Variants in GLI2 observed in about 807,000 individuals in gnomAD.
GLI2 encodes GLI family zinc finger 2.
In GLI2, 22 loss-of-function variants were observed where a neutral mutation model predicts 78.9. The observed-to-expected ratio is 0.28, with a 90% CI of 0.20 to 0.40. The LOEUF is 0.40. Among genes scored for constraint, GLI2 ranks in the 10% least tolerant of loss-of-function variants. GLI2 has a pLI of 1.00. For synonymous variants in GLI2, 974 were observed against 963.7 expected (o/e 1.01, Z -0.20); for missense variants, 2,097 against 2,213.2 (o/e 0.95, Z 1.05).
At chr2:120,756,343 T>C (rs1012657344) in intron 1 of GLI2, among the ~76,000 whole-genome samples, 14 of 152,334 alleles carry the variant, frequency 9.2e-5, no homozygotes, top group African/African-American at 3.1e-4. Context: ...TGTGTTATTT[T>C]AAAATTTCAA....
chr2:120,851,541 A>G (rs978834573), intron 2 of GLI2, among the ~76,000 whole-genome samples: 10 of 152,174 alleles, frequency 6.6e-5, no homozygotes, highest in Non-Finnish European at 1.5e-4. Flanking sequence ...AGATCCTGGG[A>G]TGACTGCCTG....
intron 2 of GLI2, among the ~76,000 whole-genome samples, chr2:120,888,773 T>G (rs576992477): frequency 1.6e-4 from 25 of 152,336 alleles, no homozygotes; most frequent in Non-Finnish European, 3.1e-4. Context: ...GGTCGCTGCT[T>G]GCATGTTCCA....
chr2:120,989,424 C>T lies in GLI2; in HGVS notation c.3459C>T (p.Asn1153=). The T allele has an allele frequency of 6.2e-7, 1 of 1,613,124 alleles. No individual in the cohort carries two copies. Among genetic ancestry groups the T allele is most frequent in the Middle Eastern group, 1.6e-4 (1 of 6,062 alleles). Residue 1153 remains asparagine, a synonymous_variant, in exon 14 of 14, where the codon AAC becomes AAT. Transcript: ENST00000361492. ...QVKPPPFPQG[N]LAVVQQKPAF... ...AGCCTCCACCCTTTCCTCAGGGCAA[C>T]CTGGCGGTGGTGCAGCAGAAGCCTG...
chr2:120,769,638 A>G (rs922445323), intron 1 of GLI2, among the ~76,000 whole-genome samples: 3 of 152,210 alleles, frequency 2.0e-5, no homozygotes, highest in South Asian at 2.1e-4. Context: ...ATGTGCGTGC[A>G]TGCATGTACA....
intron 2 of GLI2, among the ~76,000 whole-genome samples, chr2:120,828,876 A>AAAAC: frequency 6.6e-6 from 1 of 151,578 alleles, no homozygotes; most frequent in Non-Finnish European, 1.5e-5. Context: ...AAAAAAAAAA[A>AAAAC]AGATCATCCA....
intron 2 of GLI2, among the ~76,000 whole-genome samples, chr2:120,836,764 C>T (rs965840126): frequency 6.6e-6 from 1 of 152,218 alleles, no homozygotes; most frequent in Non-Finnish European, 1.5e-5. Flanking sequence ...CTGTATCACA[C>T]TGCTCATTTA....
chr2:120,802,470 G>T (rs1172951727), intron 2 of GLI2, among the ~76,000 whole-genome samples: 1 of 152,142 alleles, frequency 6.6e-6, no homozygotes, highest in South Asian at 2.1e-4. Context: ...ACACATTTTG[G>T]CCCAGAGGTT....
intron 1 of GLI2, among the ~76,000 whole-genome samples, chr2:120,775,115 C>T (rs987916857): frequency 6.6e-6 from 1 of 152,190 alleles, no homozygotes; most frequent in African/African-American, 2.4e-5. Context: ...TTGTCTTGCC[C>T]ACTTTCCTAC....
At chr2:120,984,776 G>A (rs1181318448) in intron 12 of GLI2, 33 bp downstream of exon 12, 4 of 1,608,556 alleles carry the variant, frequency 2.5e-6, no homozygotes, top group Non-Finnish European at 3.4e-6. Flanking sequence ...GCCACGCAAG[G>A]CGACTCCATA....
chr2:120,914,334 C>T (rs543536250), intron 2 of GLI2, among the ~76,000 whole-genome samples: 2 of 152,340 alleles, frequency 1.3e-5, no homozygotes, highest in East Asian at 1.9e-4. Context: ...GCCTGGGCAC[C>T]GTCTCCTCCA....
intron 13 of GLI2, among the ~76,000 whole-genome samples, chr2:120,986,876 C>T (rs1363156485): frequency 6.6e-6 from 1 of 152,238 alleles, no homozygotes; most frequent in Non-Finnish European, 1.5e-5. Flanking sequence ...GCAGACCCTG[C>T]GCACATCATC....
intron 2 of GLI2, among the ~76,000 whole-genome samples, chr2:120,818,936 T>C (rs1685634767): frequency 6.6e-6 from 1 of 151,654 alleles, no homozygotes; most frequent in Admixed American, 6.6e-5. Context: ...CCGCCCTCTT[T>C]TACTGATACC....
intron 2 of GLI2, among the ~76,000 whole-genome samples, chr2:120,874,047 G>A (rs1191572358): frequency 6.6e-6 from 1 of 152,126 alleles, no homozygotes; most frequent in Non-Finnish European, 1.5e-5. Context: ...CTAGGACTTT[G>A]GTCACAGGGG....
Position 120,968,835 on chromosome 2 carries a change from G to T in GLI2, c.765G>T (p.Ser255=), listed in dbSNP as rs200901345. The change falls in exon 6 of 14, where the codon TCG becomes TCT. Residue 255 remains serine, a synonymous_variant. Transcript: ENST00000361492. ...LQRMIRTSPN[S]LVAYINNSRS... is the part of the protein sequence containing the mutation. The stretch of plus-strand genomic sequence containing the variant: ...GGATGATCCGCACCTCACCCAACTC[G>T]CTAGTGGCCTACATCAACAACTCCC... The T allele has an allele frequency of 6.2e-7, 1 of 1,613,802 alleles. No homozygotes were observed. Among genetic ancestry groups the T allele is most frequent in the Non-Finnish European group, 8.5e-7 (1 of 1,179,978 alleles).
chr2:120,833,801 A>C (rs535968212), intron 2 of GLI2, among the ~76,000 whole-genome samples: 1 of 152,214 alleles, frequency 6.6e-6, no homozygotes, highest in South Asian at 2.1e-4. Context: ...AGGGACATTC[A>C]GCATTTGAAC....
In GLI2 at chr2:120,990,365, A is replaced by G. The variant is rs1348855997; in HGVS notation, c.4400A>G (p.Gln1467Arg). 6.2e-7 allele frequency: 1 copy of G among 1,613,922 alleles called. No homozygotes were observed. Among genetic ancestry groups the G allele is most frequent in the Non-Finnish European group, 8.5e-7 (1 of 1,180,032 alleles). ...PQPQACQDSIQPQPLPSPGVN... is the reference protein window; with the variant it reads ...PQPQACQDSIRPQPLPSPGVN... The stretch of plus-strand genomic sequence containing the variant: ...CCACAGGCCTGTCAGGACAGCATCC[A>G]GCCCCAGCCCTTGCCCTCACCAGGG... The change falls in exon 14 of 14, where the codon CAG (glutamine) becomes CGG (arginine). Residue 1467 changes from glutamine (Q) to arginine (R), a missense_variant. By Grantham distance (43) the Gln-to-Arg change is conservative (BLOSUM62 1). Around this residue, in one of 5 missense-constraint regions of GLI2, gnomAD observed 1,290 missense variants for 1,261.7 expected, o/e 1.02. Coordinates refer to ENST00000361492, the MANE Select transcript of GLI2 (RefSeq NM_001374353.1).
chr2:120,861,555 T>C (rs1340139453), intron 2 of GLI2, among the ~76,000 whole-genome samples: 1 of 152,198 alleles, frequency 6.6e-6, no homozygotes, highest in Non-Finnish European at 1.5e-5. Flanking sequence ...ATCCAAGTGG[T>C]TCAGTCTCCA....
At chr2:120,978,349 C>T (rs924385218) in intron 9 of GLI2, 85 bp from the exon 10 acceptor site, 42 of 1,484,928 alleles carry the variant, frequency 2.8e-5, no homozygotes, top group African/African-American at 4.1e-5. Flanking sequence ...GGGGGGGTGC[C>T]GGTGCAGGTG....
intron 2 of GLI2, among the ~76,000 whole-genome samples, chr2:120,841,645 G>T (rs1189284611): frequency 6.6e-6 from 1 of 152,190 alleles, no homozygotes; most frequent in Non-Finnish European, 1.5e-5. Flanking sequence ...ACTGTCCTGG[G>T]CACTGTTTAA....
Sources: gnomAD v4.1 joint callset for allele counts (sites outside exome capture counted in the v4.1 genomes callset) on GRCh38, gnomAD v4.1.1 for gene constraint, gnomAD v4.1.1 regional missense constraint, MANE v1.5 for transcripts, NCBI Gene and HGNC (gene_info 2026-07-23, HGNC 2026-07-21) for gene names.